TRPM3: variants seen among roughly 807,000 people sequenced by gnomAD.
TRPM3 encodes transient receptor potential cation channel subfamily M member 3.
TRPM3 carries 77 observed loss-of-function variants against 181.2 expected under a neutral mutation model. That is an observed-to-expected ratio of 0.42 (90% CI 0.35 to 0.51). TRPM3 has a LOEUF of 0.51. Ranked by LOEUF, TRPM3 falls within the 20% of genes least tolerant of loss-of-function variation. The pLI is 0.01. For missense variants in TRPM3, 1,759 were observed against 2,196.7 expected (o/e 0.80, Z 3.98); for synonymous variants, 745 against 796.4 (o/e 0.94, Z 1.09).
At chr9:70,747,716 G>A (rs932141479) in intron 8 of TRPM3, among the ~76,000 whole-genome samples, 1 of 151,820 alleles carries the variant, frequency 6.6e-6, no homozygotes, top group Non-Finnish European at 1.5e-5. Flanking sequence ...ACTGTATCTG[G>A]TATGCAAAAC....
intron 6 of TRPM3, among the ~76,000 whole-genome samples, chr9:70,822,586 A>T (rs2093266344): frequency 6.6e-6 from 1 of 152,028 alleles, no homozygotes; most frequent in Non-Finnish European, 1.5e-5. Context: ...ATGAGTACAG[A>T]GTTACAGTTT....
At chr9:71,207,015 C>T (rs2079165882) in intron 1 of TRPM3, among the ~76,000 whole-genome samples, 1 of 151,988 alleles carries the variant, frequency 6.6e-6, no homozygotes, top group Admixed American at 6.6e-5. Context: ...GGTACAGAAG[C>T]TAAGCAAGGA....
chr9:71,176,960 T>C (rs2077133964), intron 1 of TRPM3, among the ~76,000 whole-genome samples: 1 of 152,040 alleles, frequency 6.6e-6, no homozygotes, highest in Non-Finnish European at 1.5e-5. Context: ...CTGTTAGAAC[T>C]GGGACACACA....
intron 1 of TRPM3, among the ~76,000 whole-genome samples, chr9:70,875,907 G>A (rs901064726): frequency 2.6e-5 from 4 of 151,832 alleles, no homozygotes; most frequent in African/African-American, 4.8e-5. Context: ...TTAAGTTAAC[G>A]CAGCATAAAT....
At chr9:70,986,783 C>A (rs2097426254) in intron 1 of TRPM3, among the ~76,000 whole-genome samples, 1 of 152,070 alleles carries the variant, frequency 6.6e-6, no homozygotes, top group Admixed American at 6.6e-5. Context: ...CTTTAGATCT[C>A]TGGTATCAGA....
At chr9:70,570,202 G>C (rs1401066572) in intron 22 of TRPM3, among the ~76,000 whole-genome samples, 2 of 141,292 alleles carry the variant, frequency 1.4e-5, no homozygotes, top group African/African-American at 5.3e-5. Flanking sequence ...TAATGGAGCT[G>C]CATTAAAAAA....
intron 1 of TRPM3, among the ~76,000 whole-genome samples, chr9:71,171,908 T>TTG (rs2076881966): frequency 1.5e-5 from 2 of 137,086 alleles, no homozygotes; most frequent in African/African-American, 5.3e-5. Flanking sequence ...TTTTGTTGTT[T>TTG]TTGTTTTTAA....
chr9:70,670,691 C>A (rs1358853897), intron 9 of TRPM3, among the ~76,000 whole-genome samples: 2 of 151,976 alleles, frequency 1.3e-5, no homozygotes, highest in Admixed American at 6.5e-5. Context: ...GGGGGATATC[C>A]TAATGCCCTA....
intron 22 of TRPM3, chr9:70,579,441 G>A (rs1296110430): frequency 1.3e-5 from 2 of 152,418 alleles, no homozygotes; most frequent in East Asian, 3.9e-4. Context: ...GTGACTACAG[G>A]TGTGCACCAC....
intron 6 of TRPM3, among the ~76,000 whole-genome samples, chr9:70,797,507 C>G (rs1365352074): frequency 1.3e-5 from 2 of 152,288 alleles, no homozygotes; most frequent in African/African-American, 4.8e-5. Flanking sequence ...GTTCTGCACC[C>G]AACCTTCGTC....
At chr9:71,394,992 GC>G (rs1447763379) in intron 1 of TRPM3, among the ~76,000 whole-genome samples, 5 of 152,122 alleles carry the variant, frequency 3.3e-5, no homozygotes. Flanking sequence ...TGTTTTGATT[GC>G]CCCTGCAACT....
At chr9:71,075,930 G>A (rs993333847) in intron 1 of TRPM3, among the ~76,000 whole-genome samples, 6 of 152,140 alleles carry the variant, frequency 3.9e-5, no homozygotes, top group Non-Finnish European at 4.4e-5. Flanking sequence ...GGACAGAGAT[G>A]GAAATCACTG....
At chr9:70,918,460 T>C (rs2096623444) in intron 1 of TRPM3, among the ~76,000 whole-genome samples, 1 of 152,048 alleles carries the variant, frequency 6.6e-6, no homozygotes, top group African/African-American at 2.4e-5. Context: ...CAGAAATCAA[T>C]AGCAGGAGGA....
At chr9:71,133,292 CTTTTTTT>C (rs761379173) in intron 1 of TRPM3, among the ~76,000 whole-genome samples, 1 of 72,306 alleles carries the variant, frequency 1.4e-5, no homozygotes, top group Non-Finnish European at 2.5e-5. Context: ...TAGCAAATTG[CTTTTTTT>C]TTTTTTTTTT....
At chr9:71,333,148 T>C (rs889329588) in intron 1 of TRPM3, among the ~76,000 whole-genome samples, 1 of 151,860 alleles carries the variant, frequency 6.6e-6, no homozygotes, top group African/African-American at 2.4e-5. Flanking sequence ...GATCACAAAC[T>C]CAACTGTGTA....
intron 10 of TRPM3, 34 bp from the exon 11 acceptor site, chr9:70,639,228 G>C (rs1162751162): frequency 6.2e-7 from 1 of 1,610,844 alleles, no homozygotes; most frequent in African/African-American, 1.3e-5. Context: ...GTCTGCCCCA[G>C]GGTCTATCTA....
intron 8 of TRPM3, among the ~76,000 whole-genome samples, chr9:70,758,346 G>GA (rs1430220755): frequency 1.3e-5 from 2 of 152,132 alleles, no homozygotes; most frequent in African/African-American, 2.4e-5. Context: ...CAAACAAATG[G>GA]AAAAACATTC....
intron 1 of TRPM3, among the ~76,000 whole-genome samples, chr9:70,923,828 CTA>C (rs1256813268): frequency 0.012 from 1,627 of 135,986 alleles, 22 homozygotes; most frequent in African/African-American, 0.034. Flanking sequence ...CTCTCTCTCT[CTA>C]TATATATATA....
At chr9:71,309,120 A>C (rs1266589654) in intron 1 of TRPM3, among the ~76,000 whole-genome samples, 1 of 152,168 alleles carries the variant, frequency 6.6e-6, no homozygotes, top group Non-Finnish European at 1.5e-5. Context: ...ATTTACTTTT[A>C]ATCTTTTAAT....
Sources: gnomAD v4.1 joint callset for allele counts (sites outside exome capture counted in the v4.1 genomes callset) on GRCh38, gnomAD v4.1.1 for gene constraint, MANE v1.5 for transcripts, NCBI Gene and HGNC (gene_info 2026-07-23, HGNC 2026-07-21) for gene names.